NDUFA13: variants seen among roughly 807,000 people sequenced by gnomAD.
NDUFA13 encodes NADH:ubiquinone oxidoreductase subunit A13.
In NDUFA13, 16 loss-of-function variants were observed where a neutral mutation model predicts 17.0. The observed-to-expected ratio is 0.94, with a 90% CI of 0.64 to 1.43. NDUFA13 has a LOEUF of 1.43. NDUFA13 is among the 40% of genes most tolerant of loss of function. NDUFA13 has a pLI of 0.00. For synonymous variants in NDUFA13, 87 were observed against 78.4 expected, an observed-to-expected ratio of 1.11 and a Z score of -0.58; for missense variants, 228 against 206.7, an observed-to-expected ratio of 1.10 and a Z score of -0.63.
chr19:19,521,387 T>A (rs1216745939), intron 1 of NDUFA13, among the ~76,000 whole-genome samples: 2 of 152,300 alleles, frequency 1.3e-5, no homozygotes, highest in Non-Finnish European at 2.9e-5. Flanking sequence ...ATTTTTATTT[T>A]TTATTATTTT....
intron 3 of NDUFA13, 23 bp downstream of exon 3, chr19:19,527,375 T>G: frequency 6.2e-7 from 1 of 1,613,510 alleles, no homozygotes; most frequent in Non-Finnish European, 8.5e-7. Flanking sequence ...GGGCCAAGGT[T>G]GGGAGGTCAC....
chr19:19,527,491 G>A, intron 3 of NDUFA13, 139 bp downstream of exon 3: 1 of 1,151,848 alleles, frequency 8.7e-7, no homozygotes, highest in East Asian at 2.5e-5. Flanking sequence ...CTCAGGCGTG[G>A]AGACTTAGTG....
chr19:19,521,792 C>T (rs983134850), intron 1 of NDUFA13, among the ~76,000 whole-genome samples: 1 of 149,258 alleles, frequency 6.7e-6, no homozygotes, highest in Non-Finnish European at 1.5e-5. Flanking sequence ...TTAGTAGAGA[C>T]GGGGTTTCAC....
chr19:19,518,729 ATTTTTTTTTTTTTTTT>A (rs566386690), intron 1 of NDUFA13, among the ~76,000 whole-genome samples: 2 of 34,128 alleles, frequency 5.9e-5, no homozygotes, highest in Admixed American at 4.2e-4. Context: ...ATGCCCTGCG[ATTTTTTTTTTTTTTTT>A]TTTTTTTTTT....
At chr19:19,519,111 G>T (rs1329857775) in intron 1 of NDUFA13, among the ~76,000 whole-genome samples, 1 of 146,278 alleles carries the variant, frequency 6.8e-6, no homozygotes, top group Non-Finnish European at 1.5e-5. Flanking sequence ...GGCTGGTCTC[G>T]AACTCCTGAC....
chr19:19,518,570 GT>G (rs71170692), intron 1 of NDUFA13, among the ~76,000 whole-genome samples: 68 of 120,286 alleles, frequency 5.7e-4, no homozygotes, highest in East Asian at 1.1e-3. Flanking sequence ...TTGTGTGTGT[GT>G]TTTTTTTTTT....
At chr19:19,527,568 A>T (rs1237481525) in intron 3 of NDUFA13, 133 bp from the exon 4 acceptor site, 11 of 957,612 alleles carry the variant, frequency 1.1e-5, no homozygotes, top group Non-Finnish European at 1.8e-5. Flanking sequence ...GGGGCAAGAG[A>T]AAAGCTAGGA....
chr19:19,527,740 C>T lies in NDUFA13; in HGVS notation c.285C>T (p.Ala95=), dbSNP rs1600351592. 6.4e-7 allele frequency: 1 copy of T among 1,552,908 alleles called. No individual in the cohort carries two copies. Residue 95 remains alanine (A), a synonymous_variant, in exon 4 of 5, where the codon GCC becomes GCT. Coordinates refer to ENST00000507754, the MANE Select transcript of NDUFA13 (RefSeq NM_015965.7). ...QMLRENLEEE[A]IIMKDVPDWK... ...TTCGGGAGAACCTGGAGGAGGAGGC[C>T]ATCATCATGAAGGACGTGCCCGACT...
intron 1 of NDUFA13, among the ~76,000 whole-genome samples, chr19:19,518,553 T>G (rs1290680721): frequency 6.7e-6 from 1 of 148,642 alleles, no homozygotes; most frequent in Non-Finnish European, 1.5e-5. Flanking sequence ...TTTTTGGTTG[T>G]TGTTTTTTGT....
At chr19:19,522,983 A>C (rs1009384917) in intron 1 of NDUFA13, among the ~76,000 whole-genome samples, 2 of 152,036 alleles carry the variant, frequency 1.3e-5, no homozygotes, top group African/African-American at 4.8e-5. Flanking sequence ...TCCATTGATG[A>C]ACATCTCTGT....
At position 19,526,979 on chromosome 19, in the gene NDUFA13, G is replaced by A. The variant is rs117033436; in HGVS notation, c.174-302G>A. The stretch of plus-strand genomic sequence containing the variant: ...GTGATGAAGTCACCCCCTCTTCGTC[G>A]CGATCATCAGGCAGAGTTATTTTTA... On this transcript the variant is annotated intron_variant, in intron 2 of 4. Transcript: ENST00000507754. 5.2e-3 allele frequency among the ~76,000 whole-genome samples: 799 copies of A among 152,276 alleles called. 1 individual carries two copies. Among genetic ancestry groups the A allele is most frequent in the Non-Finnish European group, 8.6e-3 (586 of 68,028 alleles).
chr19:19,516,658 G>A (rs1459584318), intron 1 of NDUFA13, among the ~76,000 whole-genome samples: 2 of 152,354 alleles, frequency 1.3e-5, no homozygotes, highest in East Asian at 1.9e-4. Context: ...AAAGAAGGCC[G>A]CGGCTCCCCA....
At chr19:19,526,765 C>T (rs1435768090) in intron 2 of NDUFA13, 4 of 286,722 alleles carry the variant, frequency 1.4e-5, no homozygotes, top group South Asian at 3.4e-5. Context: ...GCTGGGCACT[C>T]CTTCCCCACC....
intron 1 of NDUFA13, among the ~76,000 whole-genome samples, chr19:19,523,927 C>T (rs934686553): frequency 2.0e-5 from 3 of 152,112 alleles, no homozygotes; most frequent in Non-Finnish European, 2.9e-5. Context: ...GAGACTTTGT[C>T]TCAAAAAATA....
intron 1 of NDUFA13, among the ~76,000 whole-genome samples, chr19:19,518,735 T>G (rs2061062242): frequency 1.7e-5 from 2 of 121,148 alleles, no homozygotes; most frequent in South Asian, 4.8e-4. Flanking sequence ...TGCGATTTTT[T>G]TTTTTTTTTT....
intron 1 of NDUFA13, among the ~76,000 whole-genome samples, chr19:19,520,635 AAAT>A (rs1054116723): frequency 1.3e-5 from 2 of 151,976 alleles, no homozygotes; most frequent in Non-Finnish European, 2.9e-5. Context: ...ATCTCAAAAA[AAAT>A]AATAATAATA....
At chr19:19,523,121 T>C (rs770648840) in intron 1 of NDUFA13, among the ~76,000 whole-genome samples, 4 of 152,248 alleles carry the variant, frequency 2.6e-5, no homozygotes, top group Non-Finnish European at 5.9e-5. Context: ...TGCATTTCCA[T>C]ATGAATTTCC....
chr19:19,524,521 G>A (rs187579218), intron 1 of NDUFA13, among the ~76,000 whole-genome samples: 5 of 152,226 alleles, frequency 3.3e-5, no homozygotes, highest in Non-Finnish European at 7.4e-5. Context: ...CTGTAGCCGT[G>A]GAAAATAATG....
chr19:19,526,954 G>T (rs539519305), intron 2 of NDUFA13, among the ~76,000 whole-genome samples: 1 of 152,214 alleles, frequency 6.6e-6, no homozygotes, highest in South Asian at 2.1e-4. Flanking sequence ...CCAGAGCCCC[G>T]TGATGAAGTC....
Sources: allele counts gnomAD v4.1 joint callset (sites outside exome capture counted in the v4.1 genomes callset), GRCh38; gene constraint gnomAD v4.1.1; transcripts MANE v1.5; gene names NCBI Gene and HGNC (gene_info 2026-07-23, HGNC 2026-07-21).